Variants in RMDN2 observed in about 807,000 individuals in gnomAD.
The protein encoded by RMDN2 is regulator of microtubule dynamics 2.
A neutral mutation model predicts 52.8 loss-of-function variants in RMDN2; 61 were observed. That is an observed-to-expected ratio of 1.16 (90% CI 0.94 to 1.43). The LOEUF (loss-of-function observed/expected upper bound fraction) is 1.43, where lower values mean the gene tolerates loss of function less well. Among genes scored for constraint, RMDN2 ranks in the 40% most tolerant of loss-of-function variants. RMDN2 has a pLI of 0.00. For missense variants in RMDN2, 592 were observed against 475.3 expected (o/e 1.25, Z -2.28); for synonymous variants, 180 against 153.1 (o/e 1.18, Z -1.30).
intron 2 of RMDN2, among the ~76,000 whole-genome samples, chr2:37,949,530 T>C (rs1021717605): frequency 6.6e-6 from 1 of 152,172 alleles, no homozygotes; most frequent in South Asian, 2.1e-4. Context: ...AACCCACGAA[T>C]CTCATGTCTT....
At chr2:38,039,498 G>C (rs1052719999) in intron 10 of RMDN2, among the ~76,000 whole-genome samples, 2 of 152,118 alleles carry the variant, frequency 1.3e-5, no homozygotes, top group Admixed American at 1.3e-4. Context: ...AAATACAAAA[G>C]GTTTACATCA....
At chr2:37,971,820 C>T (rs1322836314) in intron 2 of RMDN2, among the ~76,000 whole-genome samples, 1 of 152,120 alleles carries the variant, frequency 6.6e-6, no homozygotes, top group East Asian at 1.9e-4. Flanking sequence ...AGTGCTTTGG[C>T]TGTCCTGGGC....
chr2:37,988,031 A>C (rs1156830969), intron 5 of RMDN2, among the ~76,000 whole-genome samples: 1 of 152,132 alleles, frequency 6.6e-6, no homozygotes, highest in East Asian at 1.9e-4. Context: ...TGCACTCCAG[A>C]CTGGGCGATA....
chr2:37,958,652 T>C (rs1348238258), intron 2 of RMDN2, among the ~76,000 whole-genome samples: 1 of 150,900 alleles, frequency 6.6e-6, no homozygotes, highest in Non-Finnish European at 1.5e-5. Flanking sequence ...CTGGTTGCCC[T>C]GGCCAGAACT....
At chr2:37,990,642 A>C (rs1674663347) in intron 6 of RMDN2, among the ~76,000 whole-genome samples, 1 of 151,934 alleles carries the variant, frequency 6.6e-6, no homozygotes, top group Non-Finnish European at 1.5e-5. Flanking sequence ...AGTAGGATCC[A>C]ATGTAGGATT....
intron 2 of RMDN2, among the ~76,000 whole-genome samples, chr2:37,934,575 C>G (rs1667131427): frequency 6.6e-6 from 1 of 151,738 alleles, no homozygotes; most frequent in African/African-American, 2.4e-5. Flanking sequence ...TTTTTTGTCA[C>G]TCCGAGGCAG....
intron 10 of RMDN2, among the ~76,000 whole-genome samples, chr2:38,032,285 C>G (rs1053270286): frequency 2.6e-5 from 4 of 152,174 alleles, no homozygotes; most frequent in Non-Finnish European, 5.9e-5. Context: ...CTCAGGCAAC[C>G]ACACATCTGC....
intron 10 of RMDN2, among the ~76,000 whole-genome samples, chr2:38,004,942 T>G (rs1676866514): frequency 6.6e-6 from 1 of 150,878 alleles, no homozygotes; most frequent in South Asian, 2.1e-4. Flanking sequence ...AGTGACAACA[T>G]GTGGTGTTTG....
intron 2 of RMDN2, among the ~76,000 whole-genome samples, chr2:37,938,385 G>T (rs539802003): frequency 8.5e-4 from 130 of 152,306 alleles, no homozygotes; most frequent in African/African-American, 2.7e-3. Context: ...GCCAGGTTTT[G>T]GTATCAGGAT....
intron 2 of RMDN2, among the ~76,000 whole-genome samples, chr2:37,954,346 T>A (rs1176737206): frequency 1.3e-5 from 2 of 152,086 alleles, no homozygotes; most frequent in Non-Finnish European, 2.9e-5. Context: ...TATATTTAGG[T>A]CTTTGATGCA....
chr2:38,000,656 A>G (rs1034576296), intron 8 of RMDN2, among the ~76,000 whole-genome samples: 1 of 152,176 alleles, frequency 6.6e-6, no homozygotes, highest in Non-Finnish European at 1.5e-5. Flanking sequence ...AGATTCATTC[A>G]TTTTATTGAG....
In RMDN2 at chr2:37,955,313, A is replaced by G. The variant is rs560864930; in HGVS notation, c.453-18727A>G. ...TTTCAGCCTTTCACCATTGAATATGATGTTAGCTGTGGACTTTTCATATAT... is the reference window on the plus strand; with the variant it reads ...TTTCAGCCTTTCACCATTGAATATGGTGTTAGCTGTGGACTTTTCATATAT... On this transcript the variant is annotated intron_variant, in intron 2 of 10. Transcript: ENST00000354545. 3.9e-5 allele frequency among the ~76,000 whole-genome samples: 6 copies of G among 152,258 alleles called. No homozygotes were observed. In the East Asian group the frequency reaches 7.7e-4, roughly 20 times the overall value.
At chr2:37,977,809 C>A (rs866119590) in intron 4 of RMDN2, among the ~76,000 whole-genome samples, 1 of 151,190 alleles carries the variant, frequency 6.6e-6, no homozygotes, top group Non-Finnish European at 1.5e-5. Context: ...GGATGATGGC[C>A]GGGAAGAGGC....
intron 10 of RMDN2, among the ~76,000 whole-genome samples, chr2:38,007,371 C>G (rs1194623607): frequency 6.6e-6 from 1 of 152,152 alleles, no homozygotes; most frequent in Admixed American, 6.6e-5. Flanking sequence ...TAATTATTGC[C>G]TCGATTTCAG....
chr2:38,028,584 G>A (rs1202927855), intron 10 of RMDN2, among the ~76,000 whole-genome samples: 1 of 152,056 alleles, frequency 6.6e-6, no homozygotes, highest in African/African-American at 2.4e-5. Flanking sequence ...TTCTTCCCAG[G>A]GTGAGCCCTC....
chr2:38,040,058 ATT>A (rs147681864), intron 10 of RMDN2, among the ~76,000 whole-genome samples: 4,798 of 145,866 alleles, frequency 0.033, 254 homozygotes, highest in African/African-American at 0.11. Context: ...TATTATTATT[ATT>A]ATTATTATTA....
upstream of RMDN2, among the ~76,000 whole-genome samples, chr2:37,922,081 G>C (rs1373856203): frequency 6.6e-6 from 1 of 152,120 alleles, no homozygotes. Context: ...AATGGTTAGG[G>C]TGTTCTTAAT....
intron 10 of RMDN2, among the ~76,000 whole-genome samples, chr2:38,026,140 A>G (rs1419626577): frequency 6.6e-6 from 1 of 152,138 alleles, no homozygotes; most frequent in Non-Finnish European, 1.5e-5. Context: ...TAAGAGATAC[A>G]GGGCTATTTA....
At chr2:37,947,825 T>C (rs906796733) in intron 2 of RMDN2, among the ~76,000 whole-genome samples, 2 of 152,198 alleles carry the variant, frequency 1.3e-5, no homozygotes, top group African/African-American at 2.4e-5. Flanking sequence ...CAGTCAATTT[T>C]TAGTTTGGGG....
Sources: gnomAD v4.1 joint callset for allele counts (sites outside exome capture counted in the v4.1 genomes callset) on GRCh38, gnomAD v4.1.1 for gene constraint, MANE v1.5 for transcripts, NCBI Gene and HGNC (gene_info 2026-07-23, HGNC 2026-07-21) for gene names.